Variants in CCDC190 observed in about 807,000 individuals in gnomAD.
The protein encoded by CCDC190 is coiled-coil domain-containing protein 190.
Under a neutral mutation model 13.1 loss-of-function variants are expected in CCDC190, and 10 were observed. The ratio of observed to expected loss-of-function variants is 0.77; its 90% CI spans 0.47 to 1.30. CCDC190 has a LOEUF of 1.30. Among genes scored for constraint, CCDC190 ranks in the 50% most tolerant of loss-of-function variants. CCDC190 has a pLI of 0.00. For missense variants in CCDC190, 375 were observed against 354.3 expected (o/e 1.06, Z -0.47); for synonymous variants, 136 against 127.2 (o/e 1.07, Z -0.47).
rs1228455099 is a variant in CCDC190, at chr1:162,851,476, A to G, written c.*3289T>C. ...TTCCTTCAAGGCTCATTTCACCCTG[A>G]GAGGAGCTGGTCCCTCCAGTGTTCA... On this transcript the variant is annotated 3_prime_UTR_variant, in exon 4 of 4. Transcript: ENST00000367912. 6.6e-6 allele frequency: 1 copy of G among 151,874 alleles called. No homozygotes were observed. The highest frequency in any genetic ancestry group is 1.9e-4 in the East Asian group (1 of 5,168). The allele number at this position is 151,874 out of a possible 1,614,324, so 9.4% of individuals were successfully genotyped here. A position where few individuals can be genotyped will look rare whatever the true frequency, so the allele number is the denominator to read the frequency against.
Position 162,852,180 on chromosome 1 carries a change from G to T in CCDC190, c.*2585C>A, listed in dbSNP as rs569109598. ...TTAGAGGGCTGCCCCATGTATTATA[G>T]AATTTATGGTCCCTACCTACTAGAC... is the stretch of plus-strand genomic sequence containing the variant. On this transcript the variant is annotated 3_prime_UTR_variant, in exon 4 of 4. Transcript: ENST00000367912. 2 of 152,294 alleles carry T rather than the reference G, an allele frequency of 1.3e-5. No individual in the cohort carries two copies. Among genetic ancestry groups the T allele is most frequent in the African/African-American group, 4.8e-5 (2 of 41,550 alleles). 9.4% of individuals were successfully genotyped at this position (152,294 alleles called of 1,614,324 possible). A position where few individuals can be genotyped will look rare whatever the true frequency, so the allele number is the denominator to read the frequency against.
chr1:162,853,202 T>G lies in CCDC190; in HGVS notation c.*1563A>C. The G allele has an allele frequency of 6.6e-7, 1 of 1,510,066 alleles. No homozygotes were observed. Among genetic ancestry groups the G allele is most frequent in the Non-Finnish European group, 8.9e-7 (1 of 1,119,912 alleles). The allele number at this position is 1,510,066 out of a possible 1,614,324, so 93.5% of individuals were successfully genotyped here. A position where few individuals can be genotyped will look rare whatever the true frequency, so the allele number is the denominator to read the frequency against. ...CTCAAATGTTTGATCTAAGTTTTTG[T>G]CTTCAGATAGGTGGTAGTGTGGTGT... is the stretch of plus-strand genomic sequence containing the variant. On this transcript the variant is annotated 3_prime_UTR_variant, in exon 4 of 4. Transcript: ENST00000367912.
chr1:162,858,864 A>G (rs1650401237), intron 2 of CCDC190, among the ~76,000 whole-genome samples: 1 of 152,232 alleles, frequency 6.6e-6, no homozygotes, highest in Non-Finnish European at 1.5e-5. Context: ...GTGGGCACTT[A>G]TATAGCACTT....
At chr1:162,865,940 T>C (rs1021577334), upstream of CCDC190, among the ~76,000 whole-genome samples, 1 of 152,198 alleles carries the variant, frequency 6.6e-6, no homozygotes, top group African/African-American at 2.4e-5. Context: ...AAAGCACAAC[T>C]GTCTTTATTC....
upstream of CCDC190, among the ~76,000 whole-genome samples, chr1:162,864,257 A>G (rs1303881606): frequency 6.6e-6 from 1 of 152,136 alleles, no homozygotes; most frequent in African/African-American, 2.4e-5. Context: ...AAATCAACCT[A>G]GAATTCTGTA....
chr1:162,865,472 G>C (rs1364421736), upstream of CCDC190, among the ~76,000 whole-genome samples: 1 of 152,092 alleles, frequency 6.6e-6, no homozygotes. Context: ...CATTTATCAA[G>C]ATAGACCACA....
chr1:162,857,894 T>A (rs375005281), intron 2 of CCDC190, among the ~76,000 whole-genome samples: 7 of 152,212 alleles, frequency 4.6e-5, no homozygotes, highest in African/African-American at 1.4e-4. Flanking sequence ...TGGTCTGAAA[T>A]ACAGCTGTCC....
Position 162,854,410 on chromosome 1 carries a change from G to A in CCDC190, c.*355C>T, listed in dbSNP as rs376494123. On this transcript the variant is annotated 3_prime_UTR_variant, in exon 4 of 4. Coordinates refer to ENST00000367912, the MANE Select transcript of CCDC190 (RefSeq NM_001394065.1). Reference sequence around the variant, plus strand: ...CTAAAACAGAGAGAATAGCTATGCCGTTTTGCCAGCAGGTGGCACCATGAG... The same window carrying A: ...CTAAAACAGAGAGAATAGCTATGCCATTTTGCCAGCAGGTGGCACCATGAG... 9.6e-6 allele frequency: 10 copies of A among 1,044,274 alleles called. No individual in the cohort carries two copies. In the East Asian group the frequency reaches 3.2e-4, roughly 33 times the overall value. The allele number at this position is 1,044,274 out of a possible 1,614,324, so 64.7% of individuals were successfully genotyped here.
At chr1:162,865,282 C>T (rs1324473115), upstream of CCDC190, among the ~76,000 whole-genome samples, 18 of 152,270 alleles carry the variant, frequency 1.2e-4, no homozygotes, top group East Asian at 2.3e-3. Context: ...AACAAACCCA[C>T]AGCTATTGTC....
upstream of CCDC190, among the ~76,000 whole-genome samples, chr1:162,864,394 GA>G (rs1650628638): frequency 6.6e-6 from 1 of 151,918 alleles, no homozygotes; most frequent in Admixed American, 6.6e-5. Context: ...TCAAGCAAAA[GA>G]AAAATTATAC....
At chr1:162,861,229 C>T, upstream of CCDC190, among the ~76,000 whole-genome samples, 1 of 152,200 alleles carries the variant, frequency 6.6e-6, no homozygotes, top group East Asian at 1.9e-4. Context: ...AATGCTAGCT[C>T]CTTGGGCCAT....
chr1:162,854,665 A>T lies in CCDC190; in HGVS notation c.*100T>A. 1.4e-6 allele frequency: 2 copies of T among 1,456,036 alleles called. No homozygotes were observed. Among genetic ancestry groups the T allele is most frequent in the Non-Finnish European group, 1.8e-6 (2 of 1,105,950 alleles). The allele number at this position is 1,456,036 out of a possible 1,614,324, so 90.2% of individuals were successfully genotyped here. On this transcript the variant is annotated 3_prime_UTR_variant, in exon 4 of 4. Transcript: ENST00000367912. ...TTTAAAATAAAATTGTAATTCAATT[A>T]TGTTTGTTTGTTTTTCTCTGTATTG... is the stretch of plus-strand genomic sequence containing the variant.
rs1410246890 is a variant in CCDC190, at chr1:162,853,072, G to A, written c.*1693C>T. 6.6e-7 allele frequency: 1 copy of A among 1,509,822 alleles called. No individual in the cohort carries two copies. The highest frequency in any genetic ancestry group is 9.0e-7 in the Non-Finnish European group (1 of 1,110,006). 93.5% of individuals were successfully genotyped at this position (1,509,822 alleles called of 1,614,324 possible). A position where few individuals can be genotyped will look rare whatever the true frequency, so the allele number is the denominator to read the frequency against. ...ATGGCCTGCCTTCCTCTGTTGCTTT[G>A]CTTCATGGAAGAAAGTGTTGGAGGA... On this transcript the variant is annotated 3_prime_UTR_variant, in exon 4 of 4. Transcript: ENST00000367912.
intron 2 of CCDC190, among the ~76,000 whole-genome samples, chr1:162,856,884 C>T (rs909727710): frequency 6.6e-6 from 1 of 152,124 alleles, no homozygotes. Flanking sequence ...AAGAACTTCA[C>T]CTATTCCATA....
upstream of CCDC190, among the ~76,000 whole-genome samples, chr1:162,862,404 C>T (rs114967628): frequency 6.1e-3 from 928 of 152,266 alleles, 10 homozygotes; most frequent in African/African-American, 0.021. Flanking sequence ...CTGAGAATGC[C>T]AGAGAGGACC....
upstream of CCDC190, among the ~76,000 whole-genome samples, chr1:162,863,690 G>C (rs887414307): frequency 1.3e-5 from 2 of 152,114 alleles, no homozygotes; most frequent in African/African-American, 4.8e-5. Context: ...GAAAGACCAA[G>C]GTATCCAGAA....
chr1:162,864,409 A>C (rs554167008), upstream of CCDC190, among the ~76,000 whole-genome samples: 1 of 152,312 alleles, frequency 6.6e-6, no homozygotes, highest in South Asian at 2.1e-4. Context: ...ATTATACCAG[A>C]TGGAAATCCA....
At chr1:162,863,642 A>C (rs1224970072), upstream of CCDC190, among the ~76,000 whole-genome samples, 1 of 152,202 alleles carries the variant, frequency 6.6e-6, no homozygotes, top group African/African-American at 2.4e-5. Flanking sequence ...GCAACGAGGC[A>C]GGGGTTCCTG....
At position 162,861,088 on chromosome 1, in the gene CCDC190, T is replaced by C; in HGVS notation, c.-93A>G. 3.3e-6 allele frequency: 3 copies of C among 908,618 alleles called. No individual in the cohort carries two copies. The highest frequency in any genetic ancestry group is 3.9e-6 in the Non-Finnish European group (3 of 759,898). 56.3% of individuals were successfully genotyped at this position (908,618 alleles called of 1,614,324 possible). A position where few individuals can be genotyped will look rare whatever the true frequency, so the allele number is the denominator to read the frequency against. ...GACTGAGTCTTGATTAATGAGCTTA[T>C]TTTTCTTCAGTAAACTTAGGAGTTT... On this transcript the variant is annotated 5_prime_UTR_variant, in exon 1 of 4. Transcript: ENST00000367912.
Sources: gnomAD v4.1 joint callset for allele counts (sites outside exome capture counted in the v4.1 genomes callset) on GRCh38, gnomAD v4.1.1 for gene constraint, MANE v1.5 for transcripts, NCBI Gene and HGNC (gene_info 2026-07-23, HGNC 2026-07-21) for gene names.